TSC2: variants seen among roughly 807,000 people sequenced by gnomAD.
The protein encoded by TSC2 is tuberin.
In TSC2, 29 loss-of-function variants were observed where a neutral mutation model predicts 202.2. The observed-to-expected ratio is 0.14, with a 90% CI of 0.11 to 0.20. The LOEUF (loss-of-function observed/expected upper bound fraction) is 0.20. Ranked by LOEUF, TSC2 falls within the 10% of genes least tolerant of loss-of-function variation. The pLI, the probability that TSC2 is intolerant of heterozygous loss-of-function variation, is 1.00. For missense variants in TSC2, 2,429 were observed against 2,420.0 expected, an observed-to-expected ratio of 1.00 and a Z score of -0.08; for synonymous variants, 1,349 against 1,044.0, an observed-to-expected ratio of 1.29 and a Z score of -5.63.
In TSC2 at chr16:2,088,881, G is replaced by GCGCGCGCACACACACACACACACACACA. The variant is rs142285430; in HGVS notation, c.*272_*273insGCGCGCACACACACACACACACACACAC. The GCGCGCGCACACACACACACACACACACA allele has an allele frequency of 7.1e-6, 3 of 421,378 alleles. No individual in the cohort carries two copies. Among genetic ancestry groups the GCGCGCGCACACACACACACACACACACA allele is most frequent in the African/African-American group, 6.7e-5 (3 of 44,578 alleles). The allele number at this position is 421,378 out of a possible 1,614,324, so 26.1% of individuals were successfully genotyped here. On this transcript the variant is annotated 3_prime_UTR_variant, in exon 42 of 42. Coordinates refer to ENST00000219476, the MANE Select transcript of TSC2 (RefSeq NM_000548.5). ...ACAGCACACTCGCGCGTGCGCGCGC[G>GCGCGCGCACACACACACACACACACACA]CACACACACACACACACAGTCACCT... is the stretch of plus-strand genomic sequence containing the variant.
chr16:2,066,822 G>A (rs569640604), intron 16 of TSC2, among the ~76,000 whole-genome samples: 6 of 151,748 alleles, frequency 4.0e-5, no homozygotes, highest in South Asian at 2.1e-4. Flanking sequence ...CAACATACTC[G>A]GCTAATTTTT....
chr16:2,065,787 C>A, intron 16 of TSC2, 152 bp downstream of exon 16: 1 of 707,028 alleles, frequency 1.4e-6, no homozygotes, highest in Non-Finnish European at 2.5e-6. Flanking sequence ...GCAGCAGAAC[C>A]TTCCTCCTGC....
At chr16:2,058,971 G>A (rs2086265850) in intron 10 of TSC2, 98 bp downstream of exon 10, 21 of 1,543,404 alleles carry the variant, frequency 1.4e-5, no homozygotes, top group Middle Eastern at 1.7e-4. Context: ...CGGGGGCTGC[G>A]GTGGCATTTC....
At chr16:2,055,957 T>A in intron 6 of TSC2, 1 of 588,708 alleles carries the variant, frequency 1.7e-6, no homozygotes, top group South Asian at 1.8e-5. Flanking sequence ...GATGTCTTGG[T>A]TATCTTTTTG....
Position 2,064,418 on chromosome 16 carries a change from C to T in TSC2, c.1590C>T (p.Ile530=). The part of the protein sequence containing the change: ...HTHHFNSLLD[I]IEKVMARSLS... ...ACCACTTCAACAGCCTGCTGGACAT[C>T]ATCGAGAAGGTGAGAGCCGTTGTAC... The change falls in exon 15 of 42, where the codon ATC becomes ATT. Residue 530 remains isoleucine, a synonymous_variant. Transcript: ENST00000219476. The T allele has an allele frequency of 6.2e-7, 1 of 1,613,582 alleles. No individual in the cohort carries two copies. Among genetic ancestry groups the T allele is most frequent in the Non-Finnish European group, 8.5e-7 (1 of 1,180,026 alleles).
chr16:2,089,363 G>A lies in TSC2; in HGVS notation c.*753G>A, dbSNP rs982921818. On this transcript the variant is annotated 3_prime_UTR_variant, in exon 42 of 42. Coordinates refer to ENST00000219476, the MANE Select transcript of TSC2 (RefSeq NM_000548.5). Reference sequence around the variant, plus strand: ...ATAACTTAGGGGCAGGGTGGCGGCGGTGCAGGCTAACCCTCCCTGAAGCCA... The same window carrying A: ...ATAACTTAGGGGCAGGGTGGCGGCGATGCAGGCTAACCCTCCCTGAAGCCA... 1.1e-5 allele frequency: 4 copies of A among 371,390 alleles called. No homozygotes were observed. Among genetic ancestry groups the A allele is most frequent in the East Asian group, 5.0e-5 (1 of 20,038 alleles). The allele number at this position is 371,390 out of a possible 1,614,324, so 23.0% of individuals were successfully genotyped here. A position where few individuals can be genotyped will look rare whatever the true frequency, so the allele number is the denominator to read the frequency against.
At chr16:2,081,232 C>T (rs565908792) in intron 30 of TSC2, 1 of 376,704 alleles carries the variant, frequency 2.7e-6, no homozygotes, top group Non-Finnish European at 5.1e-6. Flanking sequence ...GCCCAGAGCC[C>T]AGGGACAGAG....
chr16:2,075,553 G>A (rs1360660674), intron 22 of TSC2, among the ~76,000 whole-genome samples: 2 of 141,934 alleles, frequency 1.4e-5, no homozygotes, highest in Non-Finnish European at 3.0e-5. Flanking sequence ...AAAAAAAAGA[G>A]GTGCGGAAGC....
chr16:2,065,709 T>C, intron 16 of TSC2, 74 bp downstream of exon 16: 1 of 1,342,888 alleles, frequency 7.4e-7, no homozygotes, highest in South Asian at 1.2e-5. Context: ...CTGCGTTGTG[T>C]TGGAGTCTGT....
intron 26 of TSC2, among the ~76,000 whole-genome samples, 185 bp downstream of exon 26, chr16:2,077,911 G>A (rs561068457): frequency 1.4e-4 from 22 of 152,272 alleles, no homozygotes; most frequent in African/African-American, 4.8e-4. Flanking sequence ...GTATGAGCAC[G>A]GGCTGGTTGC....
At chr16:2,085,472 GTGC>G (rs1175766348) in intron 36 of TSC2, 150 bp downstream of exon 36, 47 of 883,076 alleles carry the variant, frequency 5.3e-5, no homozygotes, top group Admixed American at 1.5e-4. Context: ...TCTGTGCCAG[GTGC>G]TGCTCTGAGT....
chr16:2,071,674 G>T (rs528393792), intron 18 of TSC2, 58 bp downstream of exon 18: 2 of 1,607,464 alleles, frequency 1.2e-6, no homozygotes, highest in African/African-American at 1.3e-5. Flanking sequence ...CGCTGGGGCT[G>T]TGGTGGCGCT....
chr16:2,052,497 A>G (rs2085258003), intron 3 of TSC2, among the ~76,000 whole-genome samples: 1 of 152,104 alleles, frequency 6.6e-6, no homozygotes, highest in Non-Finnish European at 1.5e-5. Context: ...TTTTGTCGTG[A>G]CAGGGTCTCA....
chr16:2,086,291 C>T lies in TSC2; in HGVS notation c.4761C>T (p.Cys1587=), dbSNP rs2151573397. 6.2e-7 allele frequency: 1 copy of T among 1,612,904 alleles called. No individual in the cohort carries two copies. Among genetic ancestry groups the T allele is most frequent in the Non-Finnish European group, 8.5e-7 (1 of 1,179,958 alleles). Reference sequence around the variant, plus strand: ...GCCGGCTCATCGAGCTGAAGGACTGCCAGCCGGACAAGGTGTACCTGGGAG... The same window carrying T: ...GCCGGCTCATCGAGCTGAAGGACTGTCAGCCGGACAAGGTGTACCTGGGAG... ...GLGRLIELKD[C]QPDKVYLGGL... The change falls in exon 37 of 42, where the codon TGC becomes TGT. Residue 1587 remains cysteine (C), a synonymous_variant. Transcript: ENST00000219476.
intron 17 of TSC2, among the ~76,000 whole-genome samples, chr16:2,070,953 CGGCAG>C (rs1257376484): frequency 1.3e-5 from 2 of 151,546 alleles, no homozygotes; most frequent in Non-Finnish European, 2.9e-5. Flanking sequence ...AGAGCTGAGA[CGGCAG>C]GGCAGGGCTG....
chr16:2,075,230 AAAAAG>A (rs1567479070), intron 22 of TSC2: 1 of 156,094 alleles, frequency 6.4e-6, no homozygotes, highest in Non-Finnish European at 1.4e-5. Context: ...CTCAAAAAAA[AAAAAG>A]AGAGAAGTGA....
chr16:2,058,494 C>G (rs2086186168), intron 9 of TSC2, among the ~76,000 whole-genome samples: 1 of 152,252 alleles, frequency 6.6e-6, no homozygotes, highest in Non-Finnish European at 1.5e-5. Context: ...ATCCCTCTTG[C>G]CTGCTTCCTG....
intron 32 of TSC2, 35 bp from the exon 33 acceptor site, chr16:2,083,660 C>G: frequency 1.3e-6 from 2 of 1,561,368 alleles, no homozygotes; most frequent in South Asian, 2.4e-5. Flanking sequence ...CCTGGCCCAG[C>G]CCCACATCCA....
At chr16:2,072,630 T>C in intron 20 of TSC2, 4 of 824,274 alleles carry the variant, frequency 4.9e-6, no homozygotes, top group Non-Finnish European at 7.5e-6. Flanking sequence ...TTTTCCTAAG[T>C]GGGGCTCCCG....
Sources: allele counts gnomAD v4.1 joint callset (sites outside exome capture counted in the v4.1 genomes callset), GRCh38; gene constraint gnomAD v4.1.1; transcripts MANE v1.5; gene names NCBI Gene and HGNC (gene_info 2026-07-23, HGNC 2026-07-21).